The following CDH13 variants were observed in gnomAD, a reference collection of about 807,000 sequenced individuals.
CDH13 encodes cadherin 13.
Under a neutral mutation model 63.8 loss-of-function variants are expected in CDH13, and 24 were observed. The ratio of observed to expected loss-of-function variants is 0.38; its 90% CI spans 0.27 to 0.53. The LOEUF is 0.53. CDH13 is among the 20% of genes least tolerant of loss of function. The pLI is 0.85. For missense variants in CDH13, 1,049 were observed against 903.1 expected (o/e 1.16, Z -2.07); for synonymous variants, 503 against 355.3 (o/e 1.42, Z -4.67).
chr16:82,747,811 A>G (rs1240747860), intron 1 of CDH13, among the ~76,000 whole-genome samples: 1 of 152,256 alleles, frequency 6.6e-6, no homozygotes, highest in Non-Finnish European at 1.5e-5. Context: ...GCAGAGTATT[A>G]GTATTCCAGA....
chr16:83,424,503 T>C (rs950574900), intron 6 of CDH13, among the ~76,000 whole-genome samples: 3 of 152,202 alleles, frequency 2.0e-5, no homozygotes, highest in African/African-American at 7.2e-5. Flanking sequence ...CTCTCTTGAT[T>C]ATTTTTTTTA....
chr16:83,312,009 G>C (rs1353066343), intron 5 of CDH13, among the ~76,000 whole-genome samples: 3 of 139,122 alleles, frequency 2.2e-5, no homozygotes, highest in Non-Finnish European at 3.0e-5. Context: ...GGAGGCGGAA[G>C]TTGCAGTGAG....
chr16:82,647,689 G>C (rs1028049820), intron 1 of CDH13, among the ~76,000 whole-genome samples: 4 of 152,178 alleles, frequency 2.6e-5, no homozygotes, highest in African/African-American at 9.7e-5. Context: ...GACTACTCCA[G>C]CCTCAGAGAA....
intron 13 of CDH13, among the ~76,000 whole-genome samples, chr16:83,786,911 A>C (rs1198783156): frequency 6.6e-6 from 1 of 152,186 alleles, no homozygotes; most frequent in Non-Finnish European, 1.5e-5. Flanking sequence ...TTCTTCAGAA[A>C]GTAAAATATT....
intron 11 of CDH13, among the ~76,000 whole-genome samples, chr16:83,761,012 C>T (rs552179386): frequency 2.0e-5 from 3 of 152,274 alleles, no homozygotes; most frequent in South Asian, 2.1e-4. Context: ...TGCTTTGCAA[C>T]GGGCAGAAGT....
At chr16:83,228,339 G>C (rs1448326002) in intron 5 of CDH13, among the ~76,000 whole-genome samples, 2 of 152,174 alleles carry the variant, frequency 1.3e-5, no homozygotes, top group African/African-American at 2.4e-5. Context: ...GCATGGCGTT[G>C]GCCACTCAGA....
intron 2 of CDH13, among the ~76,000 whole-genome samples, chr16:83,015,642 CA>C (rs1289717065): frequency 8.2e-6 from 1 of 122,098 alleles, no homozygotes; most frequent in Non-Finnish European, 1.7e-5. Flanking sequence ...CCATATGCTT[CA>C]GCTTGCAGCA....
intron 4 of CDH13, among the ~76,000 whole-genome samples, chr16:83,178,494 T>C (rs2038219108): frequency 6.6e-6 from 1 of 152,214 alleles, no homozygotes; most frequent in Admixed American, 6.5e-5. Context: ...ATTATAAGAA[T>C]ATTTCCAGCT....
chr16:83,370,356 C>G (rs1470780305), intron 6 of CDH13, among the ~76,000 whole-genome samples: 3 of 150,926 alleles, frequency 2.0e-5, no homozygotes, highest in Admixed American at 6.6e-5. Flanking sequence ...CCACTGCACT[C>G]CAGCCTGGGT....
chr16:82,931,728 C>G (rs1435867591), intron 2 of CDH13, among the ~76,000 whole-genome samples: 1 of 151,994 alleles, frequency 6.6e-6, no homozygotes, highest in Non-Finnish European at 1.5e-5. Flanking sequence ...AAAATGAGAG[C>G]CAAATGAAAG....
chr16:83,072,231 A>G (rs911828906), intron 3 of CDH13, among the ~76,000 whole-genome samples: 1 of 152,204 alleles, frequency 6.6e-6, no homozygotes, highest in Non-Finnish European at 1.5e-5. Context: ...TCAGTTTATA[A>G]AAGATGCGGT....
At chr16:82,701,542 T>A (rs1056689940) in intron 1 of CDH13, among the ~76,000 whole-genome samples, 3 of 152,184 alleles carry the variant, frequency 2.0e-5, no homozygotes, top group African/African-American at 7.2e-5. Flanking sequence ...TTAGCTTTCA[T>A]GAAGGCTAGA....
At position 83,403,494 on chromosome 16, in the gene CDH13, G is replaced by A. The variant is rs147130474; in HGVS notation, c.781+58488G>A. ...AAAAATTAGCCAGGTGTGGTCGCGC[G>A]CGCCTGTAGTCCCAGCCACTCAGGA... On this transcript the variant is annotated intron_variant, in intron 6 of 13. Transcript: ENST00000567109. 9.2e-3 allele frequency among the ~76,000 whole-genome samples: 1,401 copies of A among 152,212 alleles called. 12 individuals carry two copies. Among genetic ancestry groups the A allele is most frequent in the African/African-American group, 0.028 (1,171 of 41,538 alleles).
chr16:82,831,508 G>C (rs2038538781), intron 1 of CDH13, among the ~76,000 whole-genome samples: 1 of 152,134 alleles, frequency 6.6e-6, no homozygotes, highest in Non-Finnish European at 1.5e-5. Context: ...ATGAGAAGCA[G>C]CAAAGGAAAC....
At chr16:83,633,107 A>C (rs1910927978) in intron 8 of CDH13, among the ~76,000 whole-genome samples, 1 of 152,170 alleles carries the variant, frequency 6.6e-6, no homozygotes, top group African/African-American at 2.4e-5. Flanking sequence ...CAGCTTCTTT[A>C]CTGCAACCTG....
intron 10 of CDH13, among the ~76,000 whole-genome samples, chr16:83,708,394 TG>T (rs568337716): frequency 1.0e-3 from 152 of 152,346 alleles, no homozygotes; most frequent in African/African-American, 3.6e-3. Context: ...TTTCTGGAAG[TG>T]GGGTTAAGCC....
rs183740270 is a variant in CDH13 at position 83,613,995 on chromosome 16, C to T, written c.1101+11401C>T. On this transcript the variant is annotated intron_variant, in intron 8 of 13. Coordinates refer to ENST00000567109, the MANE Select transcript of CDH13 (RefSeq NM_001257.5). Reference sequence around the variant, plus strand: ...TTTACAATTCAATGTCTGCTAACTCCAGCATCCATTAATAGATACTTCTGA... The same window carrying T: ...TTTACAATTCAATGTCTGCTAACTCTAGCATCCATTAATAGATACTTCTGA... Among the ~76,000 whole-genome samples the T allele has an allele frequency of 3.2e-3, 481 of 152,146 alleles. 4 individuals are homozygous for T. Among genetic ancestry groups the T allele is most frequent in the Non-Finnish European group, 5.4e-3 (367 of 68,010 alleles).
Position 82,849,292 on chromosome 16 carries a change from A to G in CDH13, c.46-9070A>G, listed in dbSNP as rs118086439. ...ACCAAAGCAGGTGGATCACGAGGTCAGGAGAGCAACACCATCCTGGTCAAC... is the reference window on the plus strand; with the variant it reads ...ACCAAAGCAGGTGGATCACGAGGTCGGGAGAGCAACACCATCCTGGTCAAC... On this transcript the variant is annotated intron_variant, in intron 1 of 13. Coordinates refer to ENST00000567109, the MANE Select transcript of CDH13 (RefSeq NM_001257.5). Among the ~76,000 whole-genome samples, 161 of 152,266 alleles carry G rather than the reference A, an allele frequency of 1.1e-3. 3 individuals are homozygous for G. The East Asian group carries it at 0.029, about 27-fold the overall frequency.
chr16:82,710,552 A>AAAAAAATATATATAT (rs60196638), intron 1 of CDH13, among the ~76,000 whole-genome samples: 1 of 63,768 alleles, frequency 1.6e-5, no homozygotes, highest in South Asian at 4.4e-4. Context: ...AAAAAAAAAA[A>AAAAAAATATATATAT]ATATATATAT....
Sources: allele counts gnomAD v4.1 joint callset (sites outside exome capture counted in the v4.1 genomes callset), GRCh38; gene constraint gnomAD v4.1.1; transcripts MANE v1.5; gene names NCBI Gene and HGNC (gene_info 2026-07-23, HGNC 2026-07-21).